Variants in GUCY1A2 observed in about 807,000 individuals in gnomAD.
GUCY1A2 encodes the protein guanylate cyclase soluble subunit alpha-2.
GUCY1A2 carries 27 observed loss-of-function variants against 63.5 expected under a neutral mutation model. The ratio of observed to expected loss-of-function variants is 0.43; its 90% confidence interval spans 0.31 to 0.59. The LOEUF is 0.59. GUCY1A2 is among the 20% of genes least tolerant of loss of function. The probability of loss-of-function intolerance (pLI) is 0.11; values close to 1 mark genes in which losing one functional copy is unlikely to be tolerated. For missense variants in GUCY1A2, 768 were observed against 913.3 expected (o/e 0.84, Z 2.05); for synonymous variants, 364 against 343.5 (o/e 1.06, Z -0.66).
At chr11:106,744,508 A>G (rs905142325) in intron 6 of GUCY1A2, among the ~76,000 whole-genome samples, 7 of 152,196 alleles carry the variant, frequency 4.6e-5, no homozygotes, top group Admixed American at 2.6e-4. Context: ...TTTAACTTTT[A>G]TCTTGTACAA....
At chr11:106,731,593 AC>A (rs1049789107) in intron 6 of GUCY1A2, among the ~76,000 whole-genome samples, 3 of 152,174 alleles carry the variant, frequency 2.0e-5, no homozygotes, top group African/African-American at 7.2e-5. Flanking sequence ...AGGACGTCAA[AC>A]TAACCCTGTT....
At chr11:106,745,421 G>A (rs1863770841) in intron 6 of GUCY1A2, among the ~76,000 whole-genome samples, 2 of 152,146 alleles carry the variant, frequency 1.3e-5, no homozygotes, top group African/African-American at 4.8e-5. Context: ...ATACCACTGT[G>A]TATTATAACT....
intron 6 of GUCY1A2, among the ~76,000 whole-genome samples, chr11:106,742,897 AT>A (rs1591257873): frequency 6.6e-6 from 1 of 152,020 alleles, no homozygotes; most frequent in Non-Finnish European, 1.5e-5. Context: ...TACCCTCTTC[AT>A]TTTTTTGTTT....
chr11:106,866,414 C>G (rs140823274), intron 4 of GUCY1A2, among the ~76,000 whole-genome samples: 180 of 152,100 alleles, frequency 1.2e-3, no homozygotes, highest in African/African-American at 4.2e-3. Flanking sequence ...TGACTTGAGA[C>G]AGTGTGGACG....
intron 6 of GUCY1A2, among the ~76,000 whole-genome samples, chr11:106,763,204 G>C (rs546249129): frequency 6.6e-6 from 1 of 152,160 alleles, no homozygotes; most frequent in South Asian, 2.1e-4. Context: ...AAGTTAGCCA[G>C]TATCAACAGT....
intron 5 of GUCY1A2, among the ~76,000 whole-genome samples, chr11:106,801,901 T>C (rs1858608979): frequency 6.6e-6 from 1 of 152,176 alleles, no homozygotes; most frequent in African/African-American, 2.4e-5. Flanking sequence ...AGGGACATCA[T>C]AACACCTATT....
chr11:106,841,498 T>C (rs1015412205), intron 4 of GUCY1A2, among the ~76,000 whole-genome samples: 8 of 151,930 alleles, frequency 5.3e-5, no homozygotes, highest in Admixed American at 5.3e-4. Context: ...TTAATAAATA[T>C]TGGCTGAATG....
intron 2 of GUCY1A2, 137 bp from the exon 3 acceptor site, chr11:106,978,877 A>G (rs1282219332): frequency 8.1e-6 from 5 of 614,430 alleles, no homozygotes; most frequent in Non-Finnish European, 1.4e-5. Flanking sequence ...GCTTTGAGAC[A>G]TAATTCTGGC....
chr11:107,011,366 G>A (rs12289234), intron 1 of GUCY1A2, among the ~76,000 whole-genome samples: 10,456 of 151,106 alleles, frequency 0.069, 762 homozygotes, highest in African/African-American at 0.19. Flanking sequence ...AACGGCAACA[G>A]GACAAAAAGG....
chr11:106,978,496 G>A (rs1203492064), intron 3 of GUCY1A2, 123 bp downstream of exon 3: 7 of 580,836 alleles, frequency 1.2e-5, no homozygotes, highest in African/African-American at 1.9e-5. Context: ...CACTTCACAA[G>A]GTCTGGGTCT....
At chr11:106,864,062 C>A (rs545657111) in intron 4 of GUCY1A2, among the ~76,000 whole-genome samples, 1 of 151,848 alleles carries the variant, frequency 6.6e-6, no homozygotes, top group East Asian at 1.9e-4. Flanking sequence ...CCCTGCCTGT[C>A]GGGGGTTGGG....
chr11:106,958,518 T>C (rs1352693074), intron 3 of GUCY1A2, among the ~76,000 whole-genome samples: 1 of 152,062 alleles, frequency 6.6e-6, no homozygotes, highest in African/African-American at 2.4e-5. Context: ...TATCTGAAAA[T>C]AGTTCTCATG....
intron 1 of GUCY1A2, among the ~76,000 whole-genome samples, chr11:107,007,951 C>G (rs773179641): frequency 6.9e-6 from 1 of 145,568 alleles, no homozygotes; most frequent in African/African-American, 2.4e-5. Flanking sequence ...ACATCAGCAA[C>G]CCCAAATAAC....
At chr11:106,872,111 T>C (rs1051638188) in intron 4 of GUCY1A2, among the ~76,000 whole-genome samples, 2 of 152,110 alleles carry the variant, frequency 1.3e-5, no homozygotes, top group Non-Finnish European at 2.9e-5. Flanking sequence ...GAATGAAGAT[T>C]TAAGTATCTC....
chr11:106,987,591 G>T (rs1188482737), intron 1 of GUCY1A2, among the ~76,000 whole-genome samples: 4 of 150,166 alleles, frequency 2.7e-5, no homozygotes, highest in Non-Finnish European at 5.9e-5. Context: ...GGCAGAGGTT[G>T]CAGTGAGCCA....
At chr11:106,724,919 A>T (rs979119306) in intron 6 of GUCY1A2, among the ~76,000 whole-genome samples, 1 of 152,176 alleles carries the variant, frequency 6.6e-6, no homozygotes, top group African/African-American at 2.4e-5. Flanking sequence ...TCCTACTCAG[A>T]TAAGCATATC....
chr11:106,986,791 A>G (rs1369233900), intron 1 of GUCY1A2, among the ~76,000 whole-genome samples: 1 of 152,162 alleles, frequency 6.6e-6, no homozygotes, highest in Non-Finnish European at 1.5e-5. Context: ...AAGAGAATTC[A>G]AGCAAAGGTT....
At chr11:106,846,002 A>C (rs1054173678) in intron 4 of GUCY1A2, among the ~76,000 whole-genome samples, 2 of 151,652 alleles carry the variant, frequency 1.3e-5, no homozygotes, top group Non-Finnish European at 3.0e-5. Context: ...AGCTCTTGCC[A>C]AAAACATTTA....
At chr11:106,842,925 T>C (rs544390390) in intron 4 of GUCY1A2, among the ~76,000 whole-genome samples, 3 of 152,012 alleles carry the variant, frequency 2.0e-5, no homozygotes, top group South Asian at 2.1e-4. Flanking sequence ...GTCAGTCTCA[T>C]AAGGATGGGA....
Sources: allele counts gnomAD v4.1 joint callset (sites outside exome capture counted in the v4.1 genomes callset), GRCh38; gene constraint gnomAD v4.1.1; transcripts MANE v1.5; gene names NCBI Gene and HGNC (gene_info 2026-07-23, HGNC 2026-07-21).